The following KDM4C variants were observed in gnomAD, a reference collection of about 807,000 sequenced individuals.
KDM4C encodes lysine demethylase 4C.
A neutral mutation model predicts 129.3 loss-of-function variants in KDM4C; 81 were observed. The observed-to-expected ratio is 0.63, with a 90% CI of 0.52 to 0.75. The LOEUF is 0.75. Ranked by LOEUF, KDM4C falls within the 30% of genes least tolerant of loss-of-function variation. KDM4C has a pLI of 0.00. For missense variants in KDM4C, 1,457 were observed against 1,304.0 expected (o/e 1.12, Z -1.81); for synonymous variants, 573 against 456.1 (o/e 1.26, Z -3.26).
intron 19 of KDM4C, among the ~76,000 whole-genome samples, chr9:7,142,919 T>C (rs1242116629): frequency 1.3e-5 from 2 of 152,240 alleles, no homozygotes; most frequent in Admixed American, 6.5e-5. Flanking sequence ...CATATTAACA[T>C]GCTAAAAGCT....
intron 1 of KDM4C, among the ~76,000 whole-genome samples, chr9:6,725,779 G>A (rs1019554204): frequency 1.8e-4 from 27 of 146,924 alleles, no homozygotes; most frequent in African/African-American, 6.5e-4. Flanking sequence ...GTGCGATCTC[G>A]GCTCACTGCA....
chr9:6,767,475 C>T (rs561694865), intron 1 of KDM4C, among the ~76,000 whole-genome samples: 4 of 151,746 alleles, frequency 2.6e-5, no homozygotes, highest in African/African-American at 7.3e-5. Flanking sequence ...TGATCTGTCA[C>T]CTAGGATGCA....
chr9:6,884,034 C>T lies in KDM4C; in HGVS notation c.680-3926C>T, dbSNP rs570104020. On this transcript the variant is annotated intron_variant, in intron 6 of 21. Transcript: ENST00000381309. ...TGGAAAAAACTTGCCCATTACACAA[C>T]GCGCACCATGTCTAGGAGATTAAAA... Among the ~76,000 whole-genome samples, 7 of 152,242 alleles carry T rather than the reference C, an allele frequency of 4.6e-5. No individual in the cohort carries two copies. In the South Asian group the frequency reaches 6.2e-4, roughly 14 times the overall value.
chr9:6,860,239 C>G (rs1296945911), intron 5 of KDM4C, among the ~76,000 whole-genome samples: 1 of 152,124 alleles, frequency 6.6e-6, no homozygotes, highest in Non-Finnish European at 1.5e-5. Flanking sequence ...ATGTCTGAAC[C>G]AACACCGTTT....
At chr9:6,772,222 T>C (rs942773434) in intron 1 of KDM4C, among the ~76,000 whole-genome samples, 1 of 152,126 alleles carries the variant, frequency 6.6e-6, no homozygotes, top group African/African-American at 2.4e-5. Context: ...CGATCTCGGC[T>C]CACTGCAAGC....
At chr9:6,918,941 G>C (rs1402884237) in intron 8 of KDM4C, among the ~76,000 whole-genome samples, 1 of 151,842 alleles carries the variant, frequency 6.6e-6, no homozygotes, top group Non-Finnish European at 1.5e-5. Context: ...AACCTCTGCT[G>C]CCTGGGTTCA....
At chr9:6,760,642 C>T (rs956349867) in intron 1 of KDM4C, among the ~76,000 whole-genome samples, 3 of 151,930 alleles carry the variant, frequency 2.0e-5, no homozygotes, top group Non-Finnish European at 2.9e-5. Context: ...ACGATCTCTG[C>T]TCACTGCAAG....
chr9:6,812,582 C>G (rs1212463394), intron 3 of KDM4C, among the ~76,000 whole-genome samples: 4 of 152,146 alleles, frequency 2.6e-5, no homozygotes, highest in African/African-American at 9.7e-5. Flanking sequence ...CAACAGGGTT[C>G]ATACTCCTAT....
At chr9:6,996,021 T>G (rs1050033517) in intron 12 of KDM4C, among the ~76,000 whole-genome samples, 1 of 152,240 alleles carries the variant, frequency 6.6e-6, no homozygotes, top group Non-Finnish European at 1.5e-5. Context: ...TCAGATTTAT[T>G]ACATGGATAT....
intron 12 of KDM4C, among the ~76,000 whole-genome samples, chr9:7,009,053 A>T (rs1452233444): frequency 3.9e-5 from 6 of 152,264 alleles, no homozygotes; most frequent in Non-Finnish European, 8.8e-5. Flanking sequence ...AAAGAAATAT[A>T]GATTTACAAA....
chr9:7,052,864 A>AGG (rs1830343483), intron 17 of KDM4C, among the ~76,000 whole-genome samples: 3 of 2,604 alleles, frequency 1.2e-3, no homozygotes, highest in African/African-American at 3.2e-3. Flanking sequence ...CCACACCTGC[A>AGG]GAGAGAGAGA....
chr9:6,806,793 C>T (rs998989938), intron 3 of KDM4C, among the ~76,000 whole-genome samples: 1 of 152,034 alleles, frequency 6.6e-6, no homozygotes, highest in Non-Finnish European at 1.5e-5. Flanking sequence ...GCAAGTGATC[C>T]GAGAGAGATC....
At chr9:7,103,931 ACTAC>A (rs1463876989) in intron 18 of KDM4C, 61 bp downstream of exon 18, 2 of 1,430,530 alleles carry the variant, frequency 1.4e-6, no homozygotes, top group Non-Finnish European at 2.0e-6. Context: ...CCTGTTTTAG[ACTAC>A]CTCCCAGACA....
At chr9:6,760,097 C>T (rs1265062146) in intron 1 of KDM4C, among the ~76,000 whole-genome samples, 1 of 151,974 alleles carries the variant, frequency 6.6e-6, no homozygotes, top group Non-Finnish European at 1.5e-5. Flanking sequence ...CTGTCATTGC[C>T]TAGTTCCCTC....
intron 6 of KDM4C, among the ~76,000 whole-genome samples, chr9:6,882,772 TTG>T (rs3072026): frequency 0.36 from 54,486 of 149,504 alleles, 10,119 homozygotes; most frequent in East Asian, 0.61. Context: ...TTTTAAGCAT[TTG>T]TGTGTGTGTG....
chr9:6,770,368 C>T (rs1189054197), intron 1 of KDM4C, among the ~76,000 whole-genome samples: 1 of 152,078 alleles, frequency 6.6e-6, no homozygotes, highest in African/African-American at 2.4e-5. Flanking sequence ...ACTTGTCAAG[C>T]TGTCAACTTA....
intron 19 of KDM4C, among the ~76,000 whole-genome samples, chr9:7,135,082 T>C (rs1841047921): frequency 6.6e-6 from 1 of 152,186 alleles, no homozygotes; most frequent in Admixed American, 6.5e-5. Flanking sequence ...TTGCATCTTG[T>C]TCCTTTGTTT....
chr9:6,927,666 AG>A (rs1428274309), intron 8 of KDM4C, among the ~76,000 whole-genome samples: 2 of 152,132 alleles, frequency 1.3e-5, no homozygotes, highest in African/African-American at 4.8e-5. Context: ...TGCTCTTGGG[AG>A]AAATCACAAT....
At chr9:6,949,983 A>G (rs1827825786) in intron 8 of KDM4C, among the ~76,000 whole-genome samples, 1 of 151,888 alleles carries the variant, frequency 6.6e-6, no homozygotes, top group Admixed American at 6.6e-5. Context: ...TATTTAGCCC[A>G]AGGAGTCACA....
Sources: allele counts gnomAD v4.1 joint callset (sites outside exome capture counted in the v4.1 genomes callset), GRCh38; gene constraint gnomAD v4.1.1; transcripts MANE v1.5; gene names NCBI Gene and HGNC (gene_info 2026-07-23, HGNC 2026-07-21).